ZNF723: variants seen among roughly 807,000 people sequenced by gnomAD.
The protein encoded by ZNF723 is zinc finger protein 723.
A neutral mutation model predicts 9.4 loss-of-function variants in ZNF723; 5 were observed. The observed-to-expected ratio is 0.53, with a 90% CI of 0.28 to 1.12. ZNF723 has a LOEUF of 1.12. ZNF723 is among the 50% of genes most tolerant of loss of function. ZNF723 has a pLI of 0.10. For missense variants in ZNF723, 450 were observed against 501.5 expected (o/e 0.90, Z 0.98); for synonymous variants, 158 against 168.8 (o/e 0.94, Z 0.49).
chr19:22,833,702 C>T (rs924730178), intron 1 of ZNF723, among the ~76,000 whole-genome samples: 5 of 151,712 alleles, frequency 3.3e-5, no homozygotes, highest in Admixed American at 1.3e-4. Flanking sequence ...CTCCACCTCC[C>T]GGGTTCAAGC....
At chr19:22,828,814 G>A (rs1416677854), upstream of ZNF723, among the ~76,000 whole-genome samples, 1 of 152,068 alleles carries the variant, frequency 6.6e-6, no homozygotes, top group Non-Finnish European at 1.5e-5. Flanking sequence ...AAACAGGCCA[G>A]GTTTATATTT....
chr19:22,846,841 T>TTTTTTTTTG (rs1967317418), intron 1 of ZNF723, among the ~76,000 whole-genome samples: 3 of 123,100 alleles, frequency 2.4e-5, no homozygotes, highest in Non-Finnish European at 5.0e-5. Flanking sequence ...TTTTTTTTTT[T>TTTTTTTTTG]GAGATGGAGT....
At chr19:22,828,685 C>T (rs1967062856), upstream of ZNF723, among the ~76,000 whole-genome samples, 2 of 151,830 alleles carry the variant, frequency 1.3e-5, no homozygotes, top group Admixed American at 1.3e-4. Context: ...TATTGGAGGC[C>T]ATCGTTCTAA....
chr19:22,850,028 T>C (rs367919499), intron 3 of ZNF723, among the ~76,000 whole-genome samples: 16 of 152,318 alleles, frequency 1.1e-4, no homozygotes, highest in African/African-American at 3.8e-4. Flanking sequence ...TTCATTTTTC[T>C]GCATAATTCA....
chr19:22,838,483 C>T (rs574360954), intron 1 of ZNF723, among the ~76,000 whole-genome samples: 6 of 151,656 alleles, frequency 4.0e-5, no homozygotes, highest in East Asian at 2.0e-4. Flanking sequence ...ACCCGGGAGG[C>T]GGAGGTTGTG....
At chr19:22,821,695 G>T in the ZNF723 span, among the ~76,000 whole-genome samples, 12 of 152,176 alleles carry the variant, frequency 7.9e-5, no homozygotes, top group Non-Finnish European at 1.5e-4. Flanking sequence ...AGACATTATA[G>T]TCAAGCTTAT....
At chr19:22,838,130 C>T (rs1020557199) in intron 1 of ZNF723, among the ~76,000 whole-genome samples, 10 of 152,190 alleles carry the variant, frequency 6.6e-5, no homozygotes, top group African/African-American at 2.4e-4. Context: ...AGGTACTAAG[C>T]ATAACACCAA....
At chr19:22,828,822 T>G (rs188204504), upstream of ZNF723, among the ~76,000 whole-genome samples, 533 of 152,222 alleles carry the variant, frequency 3.5e-3, 5 homozygotes, top group African/African-American at 0.012. Flanking sequence ...CAGGTTTATA[T>G]TTTTCTTCTG....
chr19:22,845,889 C>CTTTTTTTTTTTTT lies in ZNF723; in HGVS notation c.4-2366_4-2354dup, dbSNP rs1214348571. Among the ~76,000 whole-genome samples the CTTTTTTTTTTTTT allele has an allele frequency of 8.4e-3, 1,038 of 124,186 alleles. 23 individuals are homozygous for CTTTTTTTTTTTTT. Among genetic ancestry groups the CTTTTTTTTTTTTT allele is most frequent in the East Asian group, 0.026 (108 of 4,092 alleles). 81.5% of individuals were successfully genotyped at this position (124,186 alleles called of 152,430 possible). ...AGGAGGAGATAGGGAAAAAATATGC[C>CTTTTTTTTTTTTT]TTTTTTTTTTTTTTTTTTAGCTAAA... On this transcript the variant is annotated intron_variant, in intron 1 of 3. Coordinates refer to ENST00000600766, the MANE Select transcript of ZNF723 (RefSeq NM_001349726.2).
At chr19:22,831,882 T>C (rs1599469151), upstream of ZNF723, among the ~76,000 whole-genome samples, 1 of 151,110 alleles carries the variant, frequency 6.6e-6, no homozygotes. Context: ...CACTCCATCC[T>C]GGGCGACAAG....
chr19:22,838,717 A>G (rs914361592), intron 1 of ZNF723, among the ~76,000 whole-genome samples: 2 of 151,682 alleles, frequency 1.3e-5, no homozygotes, highest in African/African-American at 2.4e-5. Context: ...TTCTTTTTAT[A>G]TAAATATTCT....
chr19:22,816,456 T>C, the ZNF723 span, among the ~76,000 whole-genome samples: 3 of 152,218 alleles, frequency 2.0e-5, no homozygotes, highest in African/African-American at 7.2e-5. Context: ...ATGAACAGAT[T>C]CAGTAAACTG....
the ZNF723 span, among the ~76,000 whole-genome samples, chr19:22,816,120 C>G: frequency 6.6e-6 from 1 of 152,208 alleles, no homozygotes; most frequent in African/African-American, 2.4e-5. Flanking sequence ...GCACAAATGT[C>G]TCAGAGCATA....
chr19:22,841,824 T>C (rs909593625), intron 1 of ZNF723, among the ~76,000 whole-genome samples: 2 of 152,008 alleles, frequency 1.3e-5, no homozygotes, highest in Non-Finnish European at 2.9e-5. Context: ...CCCACAAATA[T>C]GCAAGTAACA....
chr19:22,821,784 C>T, the ZNF723 span, among the ~76,000 whole-genome samples: 4 of 152,170 alleles, frequency 2.6e-5, no homozygotes, highest in East Asian at 1.9e-4. Flanking sequence ...GGATCACCTA[C>T]GTTTAGAAAG....
At chr19:22,816,894 C>T in the ZNF723 span, among the ~76,000 whole-genome samples, 1 of 152,362 alleles carries the variant, frequency 6.6e-6, no homozygotes, top group Admixed American at 6.5e-5. Context: ...TTGGGTCCCT[C>T]ACATGGGTGA....
At chr19:22,845,213 G>A (rs1334420413) in intron 1 of ZNF723, among the ~76,000 whole-genome samples, 1 of 152,154 alleles carries the variant, frequency 6.6e-6, no homozygotes, top group African/African-American at 2.4e-5. Flanking sequence ...TTATAAGCTC[G>A]TTAAAGCTTG....
chr19:22,858,402 C>A lies in ZNF723; in HGVS notation c.1511C>A (p.Thr504Asn). ...CTTAACAGACATAAGATAATTCATACTAAAGAGAAATCACAAACCTTAAAG... is the reference window on the plus strand; with the variant it reads ...CTTAACAGACATAAGATAATTCATAATAAAGAGAAATCACAAACCTTAAAG... ...SILNRHKIIHTKEKSQTLKM is the reference protein window; with the variant it reads ...SILNRHKIIHNKEKSQTLKM Residue 504 changes from threonine (T) to asparagine (N), a missense_variant, in exon 4 of 4, where the codon ACT becomes AAT. Physicochemically the swap from Thr to Asn is moderately conservative, Grantham distance 65. Transcript: ENST00000600766. 1.3e-6 allele frequency: 1 copy of A among 756,356 alleles called. No individual in the cohort carries two copies. Among genetic ancestry groups the A allele is most frequent in the Non-Finnish European group, 2.2e-6 (1 of 456,702 alleles). 46.9% of individuals were successfully genotyped at this position (756,356 alleles called of 1,614,324 possible).
chr19:22,820,314 A>G, the ZNF723 span, among the ~76,000 whole-genome samples: 1 of 152,128 alleles, frequency 6.6e-6, no homozygotes, highest in African/African-American at 2.4e-5. Context: ...GGCCTTGTTC[A>G]CAGGGAGAAT....
Sources: allele counts gnomAD v4.1 joint callset (sites outside exome capture counted in the v4.1 genomes callset), GRCh38; gene constraint gnomAD v4.1.1; transcripts MANE v1.5; gene names NCBI Gene and HGNC (gene_info 2026-07-23, HGNC 2026-07-21).